Variants in CNTN4 observed in about 807,000 individuals in gnomAD.
CNTN4 encodes contactin-4.
CNTN4 carries 77 observed loss-of-function variants against 122.5 expected under a neutral mutation model. The ratio of observed to expected loss-of-function variants is 0.63; its 90% CI spans 0.52 to 0.76. The LOEUF is 0.76. Ranked by LOEUF, CNTN4 falls within the 30% of genes least tolerant of loss-of-function variation. The pLI, the probability that CNTN4 is intolerant of heterozygous loss-of-function variation, is 0.00. For synonymous variants in CNTN4, 512 were observed against 447.0 expected, an observed-to-expected ratio of 1.15 and a Z score of -1.83; for missense variants, 1,256 against 1,259.1, an observed-to-expected ratio of 1.00 and a Z score of 0.04.
intron 13 of CNTN4, among the ~76,000 whole-genome samples, chr3:2,982,608 C>G (rs2125222366): frequency 6.6e-6 from 1 of 152,268 alleles, no homozygotes; most frequent in Non-Finnish European, 1.5e-5. Context: ...ATTTAGCAAT[C>G]CCAGCAGAAA....
chr3:2,777,472 C>G (rs1280029032), intron 6 of CNTN4, among the ~76,000 whole-genome samples: 1 of 152,136 alleles, frequency 6.6e-6, no homozygotes, highest in South Asian at 2.1e-4. Flanking sequence ...GCTAATGTAC[C>G]TGGCATGGAT....
intron 6 of CNTN4, among the ~76,000 whole-genome samples, chr3:2,800,758 A>G (rs2092328296): frequency 1.3e-5 from 2 of 152,050 alleles, no homozygotes; most frequent in African/African-American, 2.4e-5. Context: ...CTTAACTTTT[A>G]TCTTCCTTAT....
intron 3 of CNTN4, among the ~76,000 whole-genome samples, chr3:2,469,958 T>C (rs570638904): frequency 7.2e-5 from 11 of 152,338 alleles, no homozygotes; most frequent in African/African-American, 2.6e-4. Flanking sequence ...TAAAAATCTT[T>C]TAAAGAAATG....
intron 2 of CNTN4, among the ~76,000 whole-genome samples, chr3:2,199,031 C>T (rs551724993): frequency 2.0e-5 from 3 of 152,154 alleles, no homozygotes; most frequent in Non-Finnish European, 4.4e-5. Flanking sequence ...TCATGCAGCC[C>T]ATGGCCAAGA....
intron 4 of CNTN4, among the ~76,000 whole-genome samples, chr3:2,611,711 G>A (rs1343260594): frequency 1.3e-5 from 2 of 152,158 alleles, no homozygotes; most frequent in East Asian, 3.9e-4. Flanking sequence ...CAGAGGCAGA[G>A]AACAAGGATG....
chr3:2,693,128 C>A (rs2085834616), intron 4 of CNTN4, among the ~76,000 whole-genome samples: 1 of 152,110 alleles, frequency 6.6e-6, no homozygotes, highest in Non-Finnish European at 1.5e-5. Flanking sequence ...CATATGTCTT[C>A]CTAAATACCT....
At chr3:2,689,463 C>A (rs146654952) in intron 4 of CNTN4, among the ~76,000 whole-genome samples, 1 of 152,228 alleles carries the variant, frequency 6.6e-6, no homozygotes, top group East Asian at 1.9e-4. Flanking sequence ...CCACATTTTC[C>A]TCCCAGTCCA....
At chr3:2,291,582 C>T (rs1173348900) in intron 2 of CNTN4, among the ~76,000 whole-genome samples, 2 of 151,878 alleles carry the variant, frequency 1.3e-5, no homozygotes, top group African/African-American at 2.4e-5. Context: ...TATATTTCAC[C>T]ATAGGATAAT....
At chr3:2,415,503 G>A (rs1461634490) in intron 3 of CNTN4, among the ~76,000 whole-genome samples, 1 of 152,092 alleles carries the variant, frequency 6.6e-6, no homozygotes. Context: ...ACATTTCCAG[G>A]GACAGGGATG....
intron 14 of CNTN4, among the ~76,000 whole-genome samples, chr3:2,990,106 T>C (rs954831176): frequency 6.6e-6 from 1 of 152,032 alleles, no homozygotes; most frequent in African/African-American, 2.4e-5. Context: ...ACTGTGAAAA[T>C]CCATGTTAAG....
At chr3:2,682,019 C>G (rs563766463) in intron 4 of CNTN4, among the ~76,000 whole-genome samples, 2 of 152,230 alleles carry the variant, frequency 1.3e-5, no homozygotes, top group East Asian at 3.9e-4. Context: ...TTTGGATATT[C>G]ACTTAATGTT....
chr3:2,366,035 A>G (rs1037455950), intron 3 of CNTN4, among the ~76,000 whole-genome samples: 8 of 152,178 alleles, frequency 5.3e-5, no homozygotes, highest in Admixed American at 5.2e-4. Flanking sequence ...GTTACAATAC[A>G]ATATTTTATC....
chr3:2,216,739 C>G (rs1302171488), intron 2 of CNTN4, among the ~76,000 whole-genome samples: 4 of 152,046 alleles, frequency 2.6e-5, no homozygotes, highest in Non-Finnish European at 5.9e-5. Context: ...AAGGAGTTCC[C>G]TTAATTTGCT....
intron 3 of CNTN4, among the ~76,000 whole-genome samples, chr3:2,516,446 G>A (rs1575821862): frequency 6.6e-6 from 1 of 151,914 alleles, no homozygotes; most frequent in Non-Finnish European, 1.5e-5. Flanking sequence ...AGCAGCTTCA[G>A]GGACATTGCT....
chr3:2,265,380 A>G (rs1163391255), intron 2 of CNTN4, among the ~76,000 whole-genome samples: 1 of 151,920 alleles, frequency 6.6e-6, no homozygotes, highest in Non-Finnish European at 1.5e-5. Context: ...AAGTACATGG[A>G]TTTATTTCTC....
chr3:2,523,370 AAAC>A (rs780035113), intron 3 of CNTN4, among the ~76,000 whole-genome samples: 41 of 150,318 alleles, frequency 2.7e-4, no homozygotes, highest in Admixed American at 1.1e-3. Context: ...AAAAAAAAAA[AAAC>A]AAAACTTTTT....
intron 4 of CNTN4, among the ~76,000 whole-genome samples, chr3:2,707,627 C>T (rs553628675): frequency 2.1e-4 from 29 of 141,108 alleles, no homozygotes; most frequent in African/African-American, 7.0e-4. Flanking sequence ...TTGTTTGATG[C>T]TTCTTTTTCT....
intron 23 of CNTN4, 96 bp from the exon 24 acceptor site, chr3:3,053,711 A>G: frequency 1.6e-6 from 2 of 1,283,026 alleles, no homozygotes; most frequent in Non-Finnish European, 1.1e-6. Flanking sequence ...ACATCCCTGC[A>G]TTTTGCTCGT....
chr3:2,187,609 C>G (rs966094178), intron 2 of CNTN4, among the ~76,000 whole-genome samples: 3 of 152,286 alleles, frequency 2.0e-5, no homozygotes, highest in Non-Finnish European at 2.9e-5. Context: ...TAGTCACATT[C>G]TGCCGGGTTC....
Sources: gnomAD v4.1 joint callset for allele counts (sites outside exome capture counted in the v4.1 genomes callset) on GRCh38, gnomAD v4.1.1 for gene constraint, MANE v1.5 for transcripts, NCBI Gene and HGNC (gene_info 2026-07-23, HGNC 2026-07-21) for gene names.